The following ROBO1 variants were observed in gnomAD, a reference collection of about 807,000 sequenced individuals.
The protein encoded by ROBO1 is roundabout homolog 1.
In ROBO1, 149 loss-of-function variants were observed where a neutral mutation model predicts 195.9. That is an observed-to-expected ratio of 0.76 (90% CI 0.67 to 0.87). ROBO1 has a LOEUF of 0.87. Ranked by LOEUF, ROBO1 falls within the 40% of genes least tolerant of loss-of-function variation. The probability of loss-of-function intolerance (pLI) is 0.00; values close to 1 mark genes in which losing one functional copy is unlikely to be tolerated. For missense variants in ROBO1, 1,933 were observed against 2,068.3 expected (o/e 0.93, Z 1.27); for synonymous variants, 816 against 733.2 (o/e 1.11, Z -1.82).
chr3:79,138,264 G>T (rs2108604960), intron 2 of ROBO1, among the ~76,000 whole-genome samples: 1 of 152,116 alleles, frequency 6.6e-6, no homozygotes, highest in East Asian at 1.9e-4. Context: ...CCTTAACACA[G>T]TGCTTAAGAA....
At chr3:79,630,055 T>C (rs575425971) in intron 1 of ROBO1, among the ~76,000 whole-genome samples, 4 of 152,066 alleles carry the variant, frequency 2.6e-5, no homozygotes, top group Non-Finnish European at 2.9e-5. Context: ...TTACAAGATA[T>C]ACAATAAGAG....
chr3:78,602,516 A>G (rs1270458883), intron 29 of ROBO1, among the ~76,000 whole-genome samples: 1 of 152,068 alleles, frequency 6.6e-6, no homozygotes, highest in Non-Finnish European at 1.5e-5. Flanking sequence ...TTAATACTAC[A>G]TATATATTAT....
intron 2 of ROBO1, among the ~76,000 whole-genome samples, chr3:79,536,272 A>G (rs1941859305): frequency 6.6e-6 from 1 of 152,122 alleles, no homozygotes; most frequent in Non-Finnish European, 1.5e-5. Flanking sequence ...ACAGCCAAAG[A>G]CACAAATGCA....
chr3:78,647,487 G>C, intron 20 of ROBO1, 142 bp downstream of exon 20: 2 of 797,680 alleles, frequency 2.5e-6, no homozygotes, highest in South Asian at 2.9e-5. Flanking sequence ...CACATGCCTG[G>C]TGTGAGTAAA....
chr3:79,092,082 A>G (rs1282626063), intron 3 of ROBO1, among the ~76,000 whole-genome samples: 1 of 152,174 alleles, frequency 6.6e-6, no homozygotes, highest in Admixed American at 6.6e-5. Flanking sequence ...GCAATCACCT[A>G]CATGAGAGAT....
intron 4 of ROBO1, among the ~76,000 whole-genome samples, chr3:78,820,208 A>T (rs2030738332): frequency 6.6e-6 from 1 of 151,634 alleles, no homozygotes; most frequent in Non-Finnish European, 1.5e-5. Flanking sequence ...CTCTAAGAAA[A>T]CTCTTCATAC....
intron 2 of ROBO1, among the ~76,000 whole-genome samples, chr3:79,340,142 G>A (rs2034849368): frequency 6.6e-6 from 1 of 152,132 alleles, no homozygotes; most frequent in Admixed American, 6.5e-5. Context: ...ACCAAGTTAT[G>A]CCAATCTGCT....
chr3:79,752,510 G>A (rs1704173750), intron 1 of ROBO1, among the ~76,000 whole-genome samples: 1 of 152,098 alleles, frequency 6.6e-6, no homozygotes, highest in Non-Finnish European at 1.5e-5. Flanking sequence ...AGAATGTAGG[G>A]TGTTTCAATC....
chr3:79,533,065 T>C (rs754412384), intron 2 of ROBO1: 30 of 438,518 alleles, frequency 6.8e-5, no homozygotes, highest in Admixed American at 2.5e-4. Context: ...AGACGAATTT[T>C]ATTGTATTAC....
rs1245379250 is a variant in ROBO1, at chr3:78,627,582, A to T, written c.3627-13T>A. 1 of 1,602,336 alleles carries T rather than the reference A, an allele frequency of 6.2e-7. No individual in the cohort carries two copies. The highest frequency in any genetic ancestry group is 1.3e-5 in the African/African-American group (1 of 74,778). On this transcript the variant is annotated splice_polypyrimidine_tract_variant and intron_variant, in intron 25 of 30. Coordinates refer to ENST00000464233, the MANE Select transcript of ROBO1 (RefSeq NM_002941.4). ...TTCTTGGTCATAGCTAAAATAAATG[A>T]TAAGGATGTGTAGACTTACTTCAGG...
chr3:79,236,564 T>C (rs1338910121), intron 2 of ROBO1, among the ~76,000 whole-genome samples: 1 of 152,200 alleles, frequency 6.6e-6, no homozygotes, highest in Non-Finnish European at 1.5e-5. Context: ...TAAATGAGTA[T>C]GTCATTTCAA....
intron 4 of ROBO1, among the ~76,000 whole-genome samples, chr3:78,885,278 G>A (rs72896484): frequency 0.012 from 1,752 of 151,798 alleles, 41 homozygotes; most frequent in African/African-American, 0.04. Context: ...GGTGGAAGGA[G>A]GAAGAGGATC....
intron 2 of ROBO1, among the ~76,000 whole-genome samples, chr3:79,459,336 C>CA (rs889637389): frequency 6.6e-6 from 1 of 152,022 alleles, no homozygotes; most frequent in African/African-American, 2.4e-5. Context: ...TTATTCTCTA[C>CA]AAAAAATCAT....
intron 2 of ROBO1, among the ~76,000 whole-genome samples, chr3:79,504,449 G>T (rs1940283010): frequency 6.6e-6 from 1 of 151,970 alleles, no homozygotes; most frequent in South Asian, 2.1e-4. Context: ...ATGTATTAAA[G>T]GTAGAATCTT....
intron 1 of ROBO1, among the ~76,000 whole-genome samples, chr3:79,665,629 C>G (rs1946455445): frequency 1.3e-5 from 2 of 151,798 alleles, no homozygotes; most frequent in African/African-American, 4.8e-5. Flanking sequence ...GTACTCTACT[C>G]TTATAGAGAT....
chr3:79,354,024 G>A (rs140890458), intron 2 of ROBO1, among the ~76,000 whole-genome samples: 10,422 of 151,202 alleles, frequency 0.069, 507 homozygotes, highest in Non-Finnish European at 0.1. Context: ...CAGCCTGGGC[G>A]ACAGAGCGAG....
intron 1 of ROBO1, among the ~76,000 whole-genome samples, chr3:79,622,463 C>T (rs1217920234): frequency 6.6e-6 from 1 of 152,226 alleles, no homozygotes; most frequent in Non-Finnish European, 1.5e-5. Flanking sequence ...CAGCATCCAT[C>T]TCTGTAGCTC....
At chr3:79,136,369 C>G (rs2080409303) in intron 2 of ROBO1, among the ~76,000 whole-genome samples, 1 of 152,128 alleles carries the variant, frequency 6.6e-6, no homozygotes, top group African/African-American at 2.4e-5. Flanking sequence ...GCCCTACTTA[C>G]TATAAAGTGT....
rs1483197501 is a variant in ROBO1 at position 79,350,622 on chromosome 3, G to C, written c.89-225083C>G. Among the ~76,000 whole-genome samples the C allele has an allele frequency of 3.9e-5, 6 of 152,220 alleles. No homozygotes were observed. The South Asian group carries it at 1.2e-3, about 32-fold the overall frequency. On this transcript the variant is annotated intron_variant, in intron 2 of 30. Transcript: ENST00000464233. Reference sequence around the variant, plus strand: ...TGTTACTTGGCTAACAAAGGAAAAAGGATGGCTACATGCTACAACATGTAT... The same window carrying C: ...TGTTACTTGGCTAACAAAGGAAAAACGATGGCTACATGCTACAACATGTAT...
Sources: gnomAD v4.1 joint callset for allele counts (sites outside exome capture counted in the v4.1 genomes callset) on GRCh38, gnomAD v4.1.1 for gene constraint, MANE v1.5 for transcripts, NCBI Gene and HGNC (gene_info 2026-07-23, HGNC 2026-07-21) for gene names.